The following CCDC170 variants were observed in gnomAD, a reference collection of about 807,000 sequenced individuals.
CCDC170 encodes the protein coiled-coil domain containing 170.
In CCDC170, 69 loss-of-function variants were observed where a neutral mutation model predicts 72.6. The ratio of observed to expected loss-of-function variants is 0.95; its 90% confidence interval spans 0.78 to 1.16. The LOEUF (loss-of-function observed/expected upper bound fraction) is 1.16, where lower values mean the gene tolerates loss of function less well. Ranked by LOEUF, CCDC170 falls within the 50% of genes most tolerant of loss-of-function variation. The probability of loss-of-function intolerance (pLI) is 0.00; values close to 1 mark genes in which losing one functional copy is unlikely to be tolerated. For synonymous variants in CCDC170, 300 were observed against 303.9 expected (o/e 0.99, Z 0.13); for missense variants, 852 against 832.5 (o/e 1.02, Z -0.29).
At chr6:151,516,648 C>T (rs1166598421) in intron 1 of CCDC170, among the ~76,000 whole-genome samples, 1 of 152,106 alleles carries the variant, frequency 6.6e-6, no homozygotes, top group Non-Finnish European at 1.5e-5. Context: ...AGAAGAACAG[C>T]TCTCTCCCTT....
In CCDC170 at chr6:151,618,144, T is replaced by C. The variant is rs1379445388; in HGVS notation, c.2145T>C (p.His715=). ...RHPQGHLQLL[H] ...CACAAGGCCATTTACAGCTTCTTCA[T>C]TGAACACTGTATCTCTTGAGAGAGG... Residue 715 remains histidine (H), a synonymous_variant, in exon 11 of 11, where the codon CAT becomes CAC. Coordinates refer to ENST00000239374, the MANE Select transcript of CCDC170 (RefSeq NM_025059.4). The C allele has an allele frequency of 6.2e-7, 1 of 1,613,510 alleles. No homozygotes were observed. Among genetic ancestry groups the C allele is most frequent in the South Asian group, 1.1e-5 (1 of 91,046 alleles).
chr6:151,543,158 A>G (rs1242813820), intron 3 of CCDC170, among the ~76,000 whole-genome samples: 1 of 152,150 alleles, frequency 6.6e-6, no homozygotes, highest in East Asian at 1.9e-4. Flanking sequence ...ATTTTTGACA[A>G]TCTCTTAGTT....
intron 9 of CCDC170, among the ~76,000 whole-genome samples, chr6:151,600,595 C>T (rs937428983): frequency 3.3e-5 from 5 of 152,134 alleles, no homozygotes; most frequent in Admixed American, 1.3e-4. Context: ...GGTCACATTC[C>T]GAGGTTCTGG....
chr6:151,562,144 A>C (rs1162279953), intron 5 of CCDC170, among the ~76,000 whole-genome samples: 1 of 152,078 alleles, frequency 6.6e-6, no homozygotes, highest in Non-Finnish European at 1.5e-5. Context: ...TTTTTATGTA[A>C]TGGATTTCAA....
intron 6 of CCDC170, among the ~76,000 whole-genome samples, chr6:151,574,071 C>G (rs958690120): frequency 3.9e-5 from 6 of 152,178 alleles, no homozygotes; most frequent in Non-Finnish European, 2.9e-5. Context: ...AGACCCCTCT[C>G]TCTACTGAAA....
In CCDC170 at chr6:151,552,623, T is replaced by A. The variant is rs1782897926; in HGVS notation, c.774+4134T>A. 2.0e-5 allele frequency among the ~76,000 whole-genome samples: 3 copies of A among 152,126 alleles called. No individual in the cohort carries two copies. In the South Asian group the frequency reaches 6.2e-4, roughly 31 times the overall value. ...TTTCAGTGCTCCAAATTCTCCAAAT[T>A]TGTCCGGCAGAAGCTCCTTCAGGAT... On this transcript the variant is annotated intron_variant, in intron 5 of 10. Coordinates refer to ENST00000239374, the MANE Select transcript of CCDC170 (RefSeq NM_025059.4).
intron 1 of CCDC170, among the ~76,000 whole-genome samples, chr6:151,526,172 TCTCTCTCTCTC>T (rs1215589083): frequency 6.9e-6 from 1 of 145,474 alleles, no homozygotes; most frequent in Non-Finnish European, 1.5e-5. Flanking sequence ...TCCTTCCTTC[TCTCTCTCTCTC>T]CTCTCTCTCT....
intron 1 of CCDC170, among the ~76,000 whole-genome samples, chr6:151,535,913 T>TA (rs201645010): frequency 1.3e-5 from 2 of 152,070 alleles, no homozygotes; most frequent in East Asian, 1.9e-4. Flanking sequence ...CCTGACAAAT[T>TA]AAAAAAAATT....
intron 9 of CCDC170, among the ~76,000 whole-genome samples, chr6:151,602,692 T>C (rs1056662280): frequency 6.6e-6 from 1 of 152,222 alleles, no homozygotes; most frequent in Non-Finnish European, 1.5e-5. Context: ...ACATGCCTGC[T>C]TCCCCTTCTG....
intron 5 of CCDC170, among the ~76,000 whole-genome samples, chr6:151,568,885 T>A (rs978347460): frequency 6.6e-6 from 1 of 152,198 alleles, no homozygotes; most frequent in Non-Finnish European, 1.5e-5. Context: ...TATAATTGGA[T>A]AACTACATAT....
chr6:151,570,426 C>CAATACAAATAACAAAACAACAATAAAAAT (rs1776200931), intron 5 of CCDC170, among the ~76,000 whole-genome samples: 1 of 151,916 alleles, frequency 6.6e-6, no homozygotes, highest in Admixed American at 6.6e-5. Flanking sequence ...GGAAAAAAGC[C>CAATACAAATAACAAAACAACAATAAAAAT]AATACAAATA....
At chr6:151,614,812 T>A (rs1394385143) in intron 9 of CCDC170, among the ~76,000 whole-genome samples, 1 of 152,126 alleles carries the variant, frequency 6.6e-6, no homozygotes, top group Non-Finnish European at 1.5e-5. Context: ...ATACGGAGAA[T>A]GTGCCTCACC....
intron 9 of CCDC170, among the ~76,000 whole-genome samples, chr6:151,607,545 C>T (rs549070818): frequency 2.6e-5 from 4 of 152,156 alleles, no homozygotes; most frequent in Admixed American, 1.3e-4. Flanking sequence ...TTTCTTCTTG[C>T]GCTTGTCTAA....
chr6:151,613,412 G>A (rs1322545670), intron 9 of CCDC170, among the ~76,000 whole-genome samples: 1 of 152,072 alleles, frequency 6.6e-6, no homozygotes, highest in Non-Finnish European at 1.5e-5. Flanking sequence ...CAAAAAAAGT[G>A]TACAATTTAG....
chr6:151,506,489 A>T (rs971476783), intron 1 of CCDC170, among the ~76,000 whole-genome samples: 3 of 152,248 alleles, frequency 2.0e-5, no homozygotes, highest in African/African-American at 7.2e-5. Context: ...ATTCAGATTT[A>T]TTCAAGCTTA....
At chr6:151,577,637 C>T (rs919141848) in intron 6 of CCDC170, among the ~76,000 whole-genome samples, 1 of 152,170 alleles carries the variant, frequency 6.6e-6, no homozygotes, top group Non-Finnish European at 1.5e-5. Context: ...GGGGACCCCC[C>T]CCGATGCTAT....
intron 9 of CCDC170, among the ~76,000 whole-genome samples, chr6:151,599,599 G>A (rs1776673990): frequency 6.6e-6 from 1 of 152,104 alleles, no homozygotes; most frequent in South Asian, 2.1e-4. Flanking sequence ...TTATCCTCTG[G>A]GTCCTGAGGA....
rs527884271 is a variant in CCDC170, at chr6:151,536,129, C to T, written c.58-189C>T. The T allele has an allele frequency of 4.4e-4, 266 of 599,038 alleles. 6 individuals carry two copies. In the South Asian group the frequency reaches 5.2e-3, roughly 12 times the overall value. The allele number at this position is 599,038 out of a possible 1,614,324, so 37.1% of individuals were successfully genotyped here. A position where few individuals can be genotyped will look rare whatever the true frequency, so the allele number is the denominator to read the frequency against. ...AGCACATCATTTGTTCCCGAACTTT[C>T]TCCTGCTTCCCTTTGAACTTTGAGA... is the stretch of plus-strand genomic sequence containing the variant. On this transcript the variant is annotated intron_variant, in intron 1 of 10. Coordinates refer to ENST00000239374, the MANE Select transcript of CCDC170 (RefSeq NM_025059.4).
chr6:151,513,834 C>T (rs111364397), intron 1 of CCDC170, among the ~76,000 whole-genome samples: 12,748 of 145,504 alleles, frequency 0.088, 646 homozygotes, highest in Middle Eastern at 0.17. Context: ...GCAGGAGAAT[C>T]GCTTGAGCCT....
Sources: gnomAD v4.1 joint callset for allele counts (sites outside exome capture counted in the v4.1 genomes callset) on GRCh38, gnomAD v4.1.1 for gene constraint, MANE v1.5 for transcripts, NCBI Gene and HGNC (gene_info 2026-07-23, HGNC 2026-07-21) for gene names.